Variants in PLCB4 observed in about 807,000 individuals in gnomAD.
PLCB4 encodes 1-phosphatidylinositol 4,5-bisphosphate phosphodiesterase beta-4.
Under a neutral mutation model 178.8 loss-of-function variants are expected in PLCB4, and 77 were observed. That is an observed-to-expected ratio of 0.43 (90% CI 0.36 to 0.52). The LOEUF (loss-of-function observed/expected upper bound fraction) is 0.52, where lower values mean the gene tolerates loss of function less well. Among genes scored for constraint, PLCB4 ranks in the 20% least tolerant of loss-of-function variants. PLCB4 has a pLI of 0.00. For missense variants in PLCB4, 1,024 were observed against 1,453.4 expected (o/e 0.70, Z 4.80); for synonymous variants, 496 against 490.8 (o/e 1.01, Z -0.14).
At chr20:9,467,407 C>T (rs6086892) in intron 35 of PLCB4, among the ~76,000 whole-genome samples, 14,344 of 152,120 alleles carry the variant, frequency 0.094, 842 homozygotes, top group East Asian at 0.3. Flanking sequence ...TGCACATGCA[C>T]CCTAGAACTT....
At chr20:9,351,889 A>T (rs959463468) in intron 7 of PLCB4, among the ~76,000 whole-genome samples, 1 of 152,210 alleles carries the variant, frequency 6.6e-6, no homozygotes, top group African/African-American at 2.4e-5. Flanking sequence ...TGTCAGGAAG[A>T]ATGTGACCGA....
At chr20:9,249,140 A>C (rs1284690360) in intron 3 of PLCB4, among the ~76,000 whole-genome samples, 2 of 152,134 alleles carry the variant, frequency 1.3e-5, no homozygotes, top group Admixed American at 1.3e-4. Flanking sequence ...CATTGAGTCC[A>C]CGTGGATAAT....
chr20:9,152,344 G>GAGGTC (rs1257242879), intron 2 of PLCB4, among the ~76,000 whole-genome samples: 1 of 152,164 alleles, frequency 6.6e-6, no homozygotes, highest in Non-Finnish European at 1.5e-5. Context: ...CACAGACCCA[G>GAGGTC]AGGTCTAGGA....
intron 2 of PLCB4, among the ~76,000 whole-genome samples, chr20:9,184,277 G>A (rs954114314): frequency 6.6e-6 from 1 of 152,130 alleles, no homozygotes; most frequent in Admixed American, 6.5e-5. Context: ...TTCTTTTATG[G>A]CTTTATTTCA....
rs771210046 is a variant in PLCB4, at chr20:9,393,666, G to A, written c.1402G>A (p.Glu468Lys). Reference protein sequence around the residue: ...ILIKNKRLKPEVEKKQLEALR... With the variant: ...ILIKNKRLKPKVEKKQLEALR... ...CATAAAAAACAAGCGGCTGAAACCT[G>A]AAGTTGAAAAAAGTAAGTGAAACAC... Residue 468 changes from glutamate (E) to lysine (K), a missense_variant, in exon 18 of 40, where the codon GAA becomes AAA. Physicochemically the swap from Glu to Lys is moderately conservative, Grantham distance 56. This residue lies in a region of PLCB4 where 263 missense variants were observed against 417.4 expected (regional missense o/e 0.63). Transcript: ENST00000378473. 1.2e-6 allele frequency: 2 copies of A among 1,608,668 alleles called. No individual in the cohort carries two copies. The highest frequency in any genetic ancestry group is 1.7e-6 in the Non-Finnish European group (2 of 1,175,232).
rs115031357 is a variant in PLCB4, at chr20:9,262,158, T to C, written c.-16+44706T>C. Among the ~76,000 whole-genome samples, 396 of 152,284 alleles carry C rather than the reference T, an allele frequency of 2.6e-3. 1 individual carries two copies. The highest frequency in any genetic ancestry group is 9.1e-3 in the African/African-American group (379 of 41,572). The stretch of plus-strand genomic sequence containing the variant: ...CTGAGCTGGAGGAGGAATGATTCTT[T>C]TGGGATATGGGGACCCAAGAACGAG... On this transcript the variant is annotated intron_variant, in intron 3 of 39. Transcript: ENST00000378473.
intron 2 of PLCB4, among the ~76,000 whole-genome samples, chr20:9,185,093 G>C (rs1310772450): frequency 6.6e-6 from 1 of 152,032 alleles, no homozygotes; most frequent in East Asian, 1.9e-4. Flanking sequence ...CCACTGGTAG[G>C]GGTCTCACTA....
chr20:9,096,698 C>T (rs891935362), intron 2 of PLCB4, among the ~76,000 whole-genome samples: 1 of 152,116 alleles, frequency 6.6e-6, no homozygotes, highest in Non-Finnish European at 1.5e-5. Flanking sequence ...GAAACCAAGA[C>T]AGTGTGGAAA....
At chr20:9,345,062 G>T (rs1287542322) in intron 7 of PLCB4, among the ~76,000 whole-genome samples, 1 of 152,138 alleles carries the variant, frequency 6.6e-6, no homozygotes, top group East Asian at 1.9e-4. Flanking sequence ...GATGGCAGAT[G>T]CCTGTAATCC....
At chr20:9,302,747 T>C (rs2094720607) in intron 3 of PLCB4, among the ~76,000 whole-genome samples, 1 of 152,158 alleles carries the variant, frequency 6.6e-6, no homozygotes, top group South Asian at 2.1e-4. Context: ...AATATTTTAG[T>C]AGTTAAGAAT....
intron 39 of PLCB4, among the ~76,000 whole-genome samples, chr20:9,477,424 G>T (rs1372992937): frequency 1.3e-5 from 2 of 152,188 alleles, no homozygotes; most frequent in East Asian, 1.9e-4. Flanking sequence ...GAATAGTCTT[G>T]TAATGTCCTA....
intron 19 of PLCB4, among the ~76,000 whole-genome samples, chr20:9,397,083 A>G (rs921859023): frequency 1.3e-5 from 2 of 152,170 alleles, no homozygotes; most frequent in African/African-American, 2.4e-5. Flanking sequence ...GCTTCTTTCA[A>G]AATTGAAGCC....
At chr20:9,394,612 A>G (rs1395875738) in intron 18 of PLCB4, among the ~76,000 whole-genome samples, 1 of 152,212 alleles carries the variant, frequency 6.6e-6, no homozygotes, top group Non-Finnish European at 1.5e-5. Context: ...TGCATTTATT[A>G]TAGCATGATG....
chr20:9,361,850 A>C (rs1444629491), intron 7 of PLCB4, among the ~76,000 whole-genome samples: 2 of 152,228 alleles, frequency 1.3e-5, no homozygotes, highest in African/African-American at 2.4e-5. Flanking sequence ...CTGAGCCATC[A>C]ACCCCATGTT....
intron 25 of PLCB4, among the ~76,000 whole-genome samples, chr20:9,417,607 G>C (rs1259888012): frequency 1.3e-5 from 2 of 152,042 alleles, no homozygotes; most frequent in Non-Finnish European, 2.9e-5. Flanking sequence ...ATTCATCGAT[G>C]GACATTTGGG....
chr20:9,374,915 C>T (rs1397606380), intron 12 of PLCB4, among the ~76,000 whole-genome samples: 2 of 152,054 alleles, frequency 1.3e-5, no homozygotes, highest in Non-Finnish European at 2.9e-5. Context: ...TTACAGTAGA[C>T]AATAGTATTC....
intron 32 of PLCB4, among the ~76,000 whole-genome samples, chr20:9,447,411 G>A (rs980267148): frequency 6.6e-6 from 1 of 152,174 alleles, no homozygotes; most frequent in African/African-American, 2.4e-5. Context: ...TCTGCTTTAT[G>A]TGGTCTCCTG....
At chr20:9,408,583 G>A (rs747625339) in intron 22 of PLCB4, 50 bp from the exon 23 acceptor site, 29 of 861,808 alleles carry the variant, frequency 3.4e-5, no homozygotes, top group Non-Finnish European at 5.2e-5. Context: ...GTTTTTCGGT[G>A]AGGGTTTGAT....
chr20:9,130,239 A>G (rs2092238121), intron 2 of PLCB4, among the ~76,000 whole-genome samples: 1 of 152,164 alleles, frequency 6.6e-6, no homozygotes, highest in African/African-American at 2.4e-5. Context: ...TTAAGTATTT[A>G]CACACCAACC....
Sources: allele counts gnomAD v4.1 joint callset (sites outside exome capture counted in the v4.1 genomes callset), GRCh38; gene constraint gnomAD v4.1.1; regional missense constraint gnomAD v4.1.1; transcripts MANE v1.5; gene names NCBI Gene and HGNC (gene_info 2026-07-23, HGNC 2026-07-21).